TMEFF2: variants seen among roughly 807,000 people sequenced by gnomAD.
TMEFF2 encodes the protein transmembrane protein with EGF like and two follistatin like domains 2.
In TMEFF2, 28 loss-of-function variants were observed where a neutral mutation model predicts 53.8. The observed-to-expected ratio is 0.52, with a 90% confidence interval of 0.39 to 0.71. The LOEUF is 0.71. TMEFF2 is among the 30% of genes least tolerant of loss of function. The pLI is 0.00. For synonymous variants in TMEFF2, 162 were observed against 166.3 expected (o/e 0.97, Z 0.20); for missense variants, 353 against 455.2 (o/e 0.78, Z 2.04).
At position 192,099,587 on chromosome 2, in the gene TMEFF2, C is replaced by T. The variant is rs1004195071; in HGVS notation, c.440-41812G>A. Among the ~76,000 whole-genome samples the T allele has an allele frequency of 9.2e-5, 14 of 152,144 alleles. No homozygotes were observed. The South Asian group carries it at 1.4e-3, about 16-fold the overall frequency. ...ATTATGTAAGAATAACTTAAATTGT[C>T]CAGGTTATTTGGCGATTTCAGATGG... On this transcript the variant is annotated intron_variant, in intron 4 of 9. Transcript: ENST00000272771.
intron 5 of TMEFF2, among the ~76,000 whole-genome samples, chr2:192,033,322 G>C (rs1410601138): frequency 6.6e-6 from 1 of 152,096 alleles, no homozygotes; most frequent in Non-Finnish European, 1.5e-5. Flanking sequence ...TAGTTATTAC[G>C]TATATTCCTA....
chr2:192,061,493 T>A (rs1688043263), intron 4 of TMEFF2, among the ~76,000 whole-genome samples: 1 of 152,188 alleles, frequency 6.6e-6, no homozygotes, highest in Non-Finnish European at 1.5e-5. Context: ...TATGTGAGGA[T>A]GTGCATAGGA....
chr2:191,980,893 G>T (rs1685837728), intron 7 of TMEFF2, among the ~76,000 whole-genome samples: 2 of 151,930 alleles, frequency 1.3e-5, no homozygotes, highest in Admixed American at 6.6e-5. Flanking sequence ...ACTTCTCTTT[G>T]CCTGGTCAGT....
At chr2:192,124,508 G>A (rs1004010313) in intron 4 of TMEFF2, among the ~76,000 whole-genome samples, 2 of 152,144 alleles carry the variant, frequency 1.3e-5, no homozygotes, top group African/African-American at 2.4e-5. Flanking sequence ...ATCTGGATGC[G>A]TTGCTCCTTC....
At chr2:192,183,576 C>A (rs1691240269) in intron 3 of TMEFF2, among the ~76,000 whole-genome samples, 1 of 152,092 alleles carries the variant, frequency 6.6e-6, no homozygotes, top group African/African-American at 2.4e-5. Context: ...TTAAGAACAA[C>A]TATTATGGCA....
chr2:191,975,146 G>C (rs1169764155), intron 7 of TMEFF2, among the ~76,000 whole-genome samples: 13 of 150,058 alleles, frequency 8.7e-5, no homozygotes, highest in African/African-American at 1.5e-4. Flanking sequence ...AAAATATATA[G>C]GAAATATAAA....
intron 5 of TMEFF2, among the ~76,000 whole-genome samples, chr2:192,019,906 T>G (rs920516069): frequency 2.0e-5 from 3 of 152,096 alleles, no homozygotes; most frequent in African/African-American, 7.2e-5. Flanking sequence ...TTTACTGCAG[T>G]TATACTATTT....
intron 4 of TMEFF2, among the ~76,000 whole-genome samples, chr2:192,110,092 G>A (rs1181887036): frequency 6.6e-6 from 1 of 152,056 alleles, no homozygotes; most frequent in African/African-American, 2.4e-5. Flanking sequence ...TGATGAAGAT[G>A]AGCCAGCAAA....
chr2:191,959,507 A>G (rs1692208325), intron 7 of TMEFF2, among the ~76,000 whole-genome samples: 1 of 152,220 alleles, frequency 6.6e-6, no homozygotes, highest in South Asian at 2.1e-4. Context: ...AAAGAGACAG[A>G]GAATGGCAAA....
chr2:192,109,226 A>T (rs991292663), intron 4 of TMEFF2, among the ~76,000 whole-genome samples: 4 of 152,120 alleles, frequency 2.6e-5, no homozygotes, highest in Non-Finnish European at 5.9e-5. Context: ...TATGAAATAA[A>T]TAATTAGTAT....
chr2:192,095,757 C>T (rs1302264054), intron 4 of TMEFF2, among the ~76,000 whole-genome samples: 2 of 152,152 alleles, frequency 1.3e-5, no homozygotes, highest in Non-Finnish European at 2.9e-5. Context: ...GTGCTTTCTG[C>T]ACTCTGGGAG....
chr2:191,949,207 A>C lies in TMEFF2; in HGVS notation c.*1104T>G. ...GTTGTGATACCTATTTGTATGCACA[A>C]ATCAAACAAAAATCCATACCAACTT... On this transcript the variant is annotated 3_prime_UTR_variant, in exon 10 of 10. Coordinates refer to ENST00000272771, the MANE Select transcript of TMEFF2 (RefSeq NM_016192.4). 6.1e-6 allele frequency: 6 copies of C among 985,410 alleles called. No homozygotes were observed. Among genetic ancestry groups the C allele is most frequent in the East Asian group, 2.3e-4 (2 of 8,816 alleles). 61.0% of individuals were successfully genotyped at this position (985,410 alleles called of 1,614,324 possible). A position where few individuals can be genotyped will look rare whatever the true frequency, so the allele number is the denominator to read the frequency against.
At chr2:192,069,964 ATGTGTG>A (rs377496762) in intron 4 of TMEFF2, among the ~76,000 whole-genome samples, 152 of 86,536 alleles carry the variant, frequency 1.8e-3, no homozygotes, top group East Asian at 7.5e-3. Context: ...ATTTAGAAAA[ATGTGTG>A]TGTGTGTGTG....
intron 4 of TMEFF2, among the ~76,000 whole-genome samples, chr2:192,120,094 G>T (rs561730761): frequency 3.3e-5 from 5 of 152,198 alleles, no homozygotes; most frequent in Middle Eastern, 3.4e-3. Flanking sequence ...ATGGGTCAAG[G>T]CTCAGGGCTT....
At chr2:191,968,322 G>A (rs185484404) in intron 7 of TMEFF2, among the ~76,000 whole-genome samples, 33 of 152,240 alleles carry the variant, frequency 2.2e-4, no homozygotes, top group Admixed American at 5.2e-4. Context: ...AGGTAACAGC[G>A]GCAGGAAAGA....
intron 5 of TMEFF2, chr2:192,036,953 CTGCT>C (rs1412450901): frequency 2.0e-5 from 3 of 152,136 alleles, no homozygotes; most frequent in Admixed American, 6.5e-5. Flanking sequence ...AGGATGTCGT[CTGCT>C]TGCTTGTTTG....
At position 191,962,867 on chromosome 2, in the gene TMEFF2, C is replaced by T. The variant is rs922438825; in HGVS notation, c.746-6489G>A. Among the ~76,000 whole-genome samples, 7 of 152,068 alleles carry T rather than the reference C, an allele frequency of 4.6e-5. No homozygotes were observed. In the South Asian group the frequency reaches 1.2e-3, roughly 27 times the overall value. On this transcript the variant is annotated intron_variant, in intron 7 of 9. Transcript: ENST00000272771. Reference sequence around the variant, plus strand: ...CCTCAGAAGAGTGAAGAGAGCAGGCCGCTGGGAGAAGTTGTGTTCTGTCTC... The same window carrying T: ...CCTCAGAAGAGTGAAGAGAGCAGGCTGCTGGGAGAAGTTGTGTTCTGTCTC...
intron 4 of TMEFF2, among the ~76,000 whole-genome samples, chr2:192,114,467 GAAAA>G (rs112084685): frequency 0.42 from 62,148 of 149,334 alleles, 13,041 homozygotes; most frequent in South Asian, 0.49. Context: ...CCAAGGAAAA[GAAAA>G]AAAAAGGGCA....
intron 5 of TMEFF2, among the ~76,000 whole-genome samples, chr2:192,007,798 A>T (rs1332583729): frequency 6.6e-6 from 1 of 152,168 alleles, no homozygotes; most frequent in East Asian, 1.9e-4. Flanking sequence ...TTAGGTATAG[A>T]GACAAGGAAG....
Sources: allele counts gnomAD v4.1 joint callset (sites outside exome capture counted in the v4.1 genomes callset), GRCh38; gene constraint gnomAD v4.1.1; transcripts MANE v1.5; gene names NCBI Gene and HGNC (gene_info 2026-07-23, HGNC 2026-07-21).